KCNH5: variants seen among roughly 807,000 people sequenced by gnomAD.
The protein encoded by KCNH5 is potassium voltage-gated channel subfamily H member 5.
In KCNH5, 46 loss-of-function variants were observed where a neutral mutation model predicts 96.1. The observed-to-expected ratio is 0.48, with a 90% CI of 0.38 to 0.61. The LOEUF is 0.61. Among genes scored for constraint, KCNH5 ranks in the 20% least tolerant of loss-of-function variants. The probability of loss-of-function intolerance (pLI) is 0.00; values close to 1 mark genes in which losing one functional copy is unlikely to be tolerated. For synonymous variants in KCNH5, 439 were observed against 449.8 expected, an observed-to-expected ratio of 0.98 and a Z score of 0.30; for missense variants, 907 against 1,225.8, an observed-to-expected ratio of 0.74 and a Z score of 3.88.
At chr14:62,732,661 T>C (rs1469170646) in intron 10 of KCNH5, among the ~76,000 whole-genome samples, 2 of 152,186 alleles carry the variant, frequency 1.3e-5, no homozygotes, top group Non-Finnish European at 2.9e-5. Flanking sequence ...TCTTAGCCTG[T>C]ATGACTATTT....
intron 1 of KCNH5, among the ~76,000 whole-genome samples, chr14:63,033,518 C>T (rs542414994): frequency 6.6e-6 from 1 of 152,202 alleles, no homozygotes; most frequent in Non-Finnish European, 1.5e-5. Flanking sequence ...ATCAAACCCT[C>T]CCCTTTTCAT....
chr14:63,040,915 A>C (rs1234249894), intron 1 of KCNH5, among the ~76,000 whole-genome samples: 1 of 152,118 alleles, frequency 6.6e-6, no homozygotes, highest in Non-Finnish European at 1.5e-5. Context: ...TTCATAAAAT[A>C]CTACCTTCTC....
At chr14:62,850,752 C>A (rs1887787792) in intron 7 of KCNH5, among the ~76,000 whole-genome samples, 1 of 152,122 alleles carries the variant, frequency 6.6e-6, no homozygotes. Context: ...AGCACACTAC[C>A]CGCAACTTCC....
chr14:62,918,356 G>A (rs908265746), intron 7 of KCNH5, among the ~76,000 whole-genome samples: 3 of 151,882 alleles, frequency 2.0e-5, no homozygotes, highest in Non-Finnish European at 2.9e-5. Flanking sequence ...AAAAGAAAAG[G>A]TCTGTTTGAC....
At chr14:62,769,631 C>T (rs1006132836) in intron 10 of KCNH5, among the ~76,000 whole-genome samples, 1 of 152,198 alleles carries the variant, frequency 6.6e-6, no homozygotes, top group Non-Finnish European at 1.5e-5. Context: ...CGTGATTTAA[C>T]ACCAATTAAT....
intron 4 of KCNH5, among the ~76,000 whole-genome samples, chr14:62,993,944 T>C (rs1294960872): frequency 6.6e-6 from 1 of 152,048 alleles, no homozygotes; most frequent in Non-Finnish European, 1.5e-5. Context: ...TATGAGAATA[T>C]TTGTTCTCCT....
Position 62,802,447 on chromosome 14 carries a change from G to A in KCNH5, c.1704C>T (p.Thr568=). The A allele has an allele frequency of 6.2e-7, 1 of 1,614,136 alleles. No individual in the cohort carries two copies. The stretch of plus-strand genomic sequence containing the variant: ...TGAGGTCCCCGGGAGCACAGTGAAT[G>A]GTTTGGAACTCTACCGCCAAGGCGC... ...CLRALAVEFQ[T]IHCAPGDLIY... The change falls in exon 9 of 11, where the codon ACC becomes ACT. Residue 568 remains threonine, a synonymous_variant. Coordinates refer to ENST00000322893, the MANE Select transcript of KCNH5 (RefSeq NM_139318.5).
chr14:62,719,242 GT>G (rs1488996019), intron 10 of KCNH5, among the ~76,000 whole-genome samples: 1 of 152,204 alleles, frequency 6.6e-6, no homozygotes, highest in Non-Finnish European at 1.5e-5. Flanking sequence ...AGGTCTCCTT[GT>G]TCAAAATTAT....
intron 7 of KCNH5, among the ~76,000 whole-genome samples, chr14:62,948,089 G>A (rs1279357658): frequency 6.7e-6 from 1 of 149,782 alleles, no homozygotes; most frequent in Non-Finnish European, 1.5e-5. Context: ...TTGGTTTTTT[G>A]TTCTTGCGAT....
chr14:62,829,704 G>A (rs1887302619), intron 8 of KCNH5, among the ~76,000 whole-genome samples: 1 of 152,130 alleles, frequency 6.6e-6, no homozygotes, highest in Admixed American at 6.5e-5. Context: ...TGTCATGGGG[G>A]GATCTGCCCT....
At chr14:62,849,290 G>T (rs545108883) in intron 8 of KCNH5, among the ~76,000 whole-genome samples, 63 of 152,210 alleles carry the variant, frequency 4.1e-4, no homozygotes, top group African/African-American at 1.4e-3. Flanking sequence ...AGCAAAAAAG[G>T]CAAAGGGAAA....
chr14:62,827,353 T>C (rs1887248044), intron 8 of KCNH5, among the ~76,000 whole-genome samples: 1 of 152,144 alleles, frequency 6.6e-6, no homozygotes, highest in Non-Finnish European at 1.5e-5. Context: ...AAACACAGAT[T>C]CTTCACTCAC....
chr14:62,928,613 A>C (rs1396309314), intron 7 of KCNH5, among the ~76,000 whole-genome samples: 1 of 152,144 alleles, frequency 6.6e-6, no homozygotes, highest in Non-Finnish European at 1.5e-5. Flanking sequence ...CCAAGATTAC[A>C]TCAAATCTGC....
At chr14:62,823,713 T>C (rs1336864431) in intron 8 of KCNH5, among the ~76,000 whole-genome samples, 1 of 152,132 alleles carries the variant, frequency 6.6e-6, no homozygotes, top group African/African-American at 2.4e-5. Context: ...CATCACATAA[T>C]TCTGCTGAAT....
At position 62,703,161 on chromosome 14, in the gene KCNH5, T is replaced by C. The variant is rs1052920581; in HGVS notation, c.*4347A>G. 1 of 151,928 alleles carries C rather than the reference T, an allele frequency of 6.6e-6. No homozygotes were observed. Among genetic ancestry groups the C allele is most frequent in the African/African-American group, 2.4e-5 (1 of 41,438 alleles). The allele number at this position is 151,928 out of a possible 1,614,324, so 9.4% of individuals were successfully genotyped here. On this transcript the variant is annotated 3_prime_UTR_variant, in exon 11 of 11. Coordinates refer to ENST00000322893, the MANE Select transcript of KCNH5 (RefSeq NM_139318.5). ...CAAAGGAGCTTCATTCTTTCCACGT[T>C]TATTTGATTTGTAGTTCTAAATTCC...
intron 8 of KCNH5, 108 bp from the exon 9 acceptor site, chr14:62,802,689 G>T: frequency 1.5e-6 from 2 of 1,307,764 alleles, no homozygotes; most frequent in Non-Finnish European, 2.1e-6. Flanking sequence ...CTGCTACACT[G>T]CTACACACCT....
intron 7 of KCNH5, among the ~76,000 whole-genome samples, chr14:62,937,011 A>G (rs550454190): frequency 2.0e-5 from 3 of 151,818 alleles, no homozygotes; most frequent in Admixed American, 1.3e-4. Context: ...AGATGAAGAA[A>G]GAGGAGGAGA....
intron 10 of KCNH5, among the ~76,000 whole-genome samples, chr14:62,732,952 C>G (rs1566642677): frequency 6.6e-6 from 1 of 152,070 alleles, no homozygotes; most frequent in East Asian, 1.9e-4. Context: ...CTCTCTCCTT[C>G]TTCTTGTCCC....
chr14:62,882,215 A>G (rs898486467), intron 7 of KCNH5, among the ~76,000 whole-genome samples: 1 of 151,594 alleles, frequency 6.6e-6, no homozygotes, highest in African/African-American at 2.4e-5. Flanking sequence ...AGTGAGCTAG[A>G]TCAGGCCACT....
Sources: allele counts gnomAD v4.1 joint callset (sites outside exome capture counted in the v4.1 genomes callset), GRCh38; gene constraint gnomAD v4.1.1; transcripts MANE v1.5; gene names NCBI Gene and HGNC (gene_info 2026-07-23, HGNC 2026-07-21).